Variants in EIF3H observed in about 807,000 individuals in gnomAD.
The protein encoded by EIF3H is eIF-3-gamma.
In EIF3H, 26 loss-of-function variants were observed where a neutral mutation model predicts 44.2. The ratio of observed to expected loss-of-function variants is 0.59; its 90% confidence interval spans 0.43 to 0.82. EIF3H has a LOEUF of 0.82. Ranked by LOEUF, EIF3H falls within the 40% of genes least tolerant of loss-of-function variation. The pLI, the probability that EIF3H is intolerant of heterozygous loss-of-function variation, is 0.00. For missense variants in EIF3H, 359 were observed against 432.8 expected, an observed-to-expected ratio of 0.83 and a Z score of 1.51; for synonymous variants, 166 against 151.9, an observed-to-expected ratio of 1.09 and a Z score of -0.68.
At position 116,674,067 on chromosome 8, in the gene EIF3H, CAAAAAAAAA is replaced by C. The variant is rs59899280; in HGVS notation, c.290-15096_290-15088del. On this transcript the variant is annotated intron_variant, in intron 2 of 7. Coordinates refer to ENST00000521861, the MANE Select transcript of EIF3H (RefSeq NM_003756.3). ...CCTGGGGAACACAGCAAGACTGTCTCAAAAAAAAAAAAAAAAAAAAAAAAAAAAGATGAA... is the reference window on the plus strand; with the variant it reads ...CCTGGGGAACACAGCAAGACTGTCTCAAAAAAAAAAAAAAAAAAAGATGAA... 3.2e-4 allele frequency among the ~76,000 whole-genome samples: 16 copies of C among 49,666 alleles called. 1 individual carries two copies. In the South Asian group the frequency reaches 8.0e-3, roughly 25 times the overall value. 32.6% of individuals were successfully genotyped at this position (49,666 alleles called of 152,430 possible).
intron 2 of EIF3H, among the ~76,000 whole-genome samples, chr8:116,704,333 CAT>C (rs1814432039): frequency 6.6e-6 from 1 of 152,228 alleles, no homozygotes. Context: ...ATGTTTGGCA[CAT>C]GACACGTGCT....
intron 4 of EIF3H, 59 bp downstream of exon 4, chr8:116,657,156 A>G: frequency 6.9e-7 from 1 of 1,440,132 alleles, no homozygotes; most frequent in South Asian, 1.1e-5. Context: ...GAGATGTGGC[A>G]AAGAAAAATC....
intron 2 of EIF3H, among the ~76,000 whole-genome samples, chr8:116,687,244 G>A (rs1814092959): frequency 6.6e-6 from 1 of 152,056 alleles, no homozygotes; most frequent in African/African-American, 2.4e-5. Context: ...CTTTAAAAGG[G>A]GCTCATGGAA....
intron 1 of EIF3H, among the ~76,000 whole-genome samples, chr8:116,753,190 A>G (rs1815387620): frequency 6.6e-6 from 1 of 152,230 alleles, no homozygotes. Flanking sequence ...ACAGAAAGGC[A>G]GATGTCCAAA....
chr8:116,761,627 T>C (rs937782557), intron 1 of EIF3H, among the ~76,000 whole-genome samples: 6 of 152,232 alleles, frequency 3.9e-5, no homozygotes, highest in African/African-American at 7.2e-5. Context: ...AATAAATTAT[T>C]ACAGAAAGCA....
intron 2 of EIF3H, among the ~76,000 whole-genome samples, chr8:116,702,483 C>T (rs1814394117): frequency 6.6e-6 from 1 of 152,080 alleles, no homozygotes; most frequent in African/African-American, 2.4e-5. Context: ...TTTAATTTTC[C>T]CAATTTAAAT....
At chr8:116,714,833 C>T (rs1218440018) in intron 2 of EIF3H, among the ~76,000 whole-genome samples, 1 of 151,850 alleles carries the variant, frequency 6.6e-6, no homozygotes, top group South Asian at 2.1e-4. Flanking sequence ...ACAAAATGTC[C>T]CCATCTGTCT....
rs900014037 is a variant in EIF3H, at chr8:116,644,019, G to A, written c.*987C>T. On this transcript the variant is annotated 3_prime_UTR_variant, in exon 8 of 8. Transcript: ENST00000521861. ...TAGCAGAATTATACTTCATGGTTTC[G>A]GAAGACAAATGTGAAGTCCTAAATA... is the stretch of plus-strand genomic sequence containing the variant. 2 of 152,110 alleles carry A rather than the reference G, an allele frequency of 1.3e-5. No individual in the cohort carries two copies. Among genetic ancestry groups the A allele is most frequent in the African/African-American group, 2.4e-5 (1 of 41,420 alleles). The allele number at this position is 152,110 out of a possible 1,614,324, so 9.4% of individuals were successfully genotyped here.
chr8:116,737,434 T>C (rs1034027756), intron 1 of EIF3H: 1 of 356,958 alleles, frequency 2.8e-6, no homozygotes, highest in Non-Finnish European at 5.3e-6. Context: ...GGCAGACCGA[T>C]TACCTGAGGT....
At position 116,707,128 on chromosome 8, in the gene EIF3H, G is replaced by A. The variant is rs116626249; in HGVS notation, c.289+18888C>T. On this transcript the variant is annotated intron_variant, in intron 2 of 7. Transcript: ENST00000521861. ...TCCCATCCTATAAATGGAATATTGCGTTGAAAAAGTATCTTATTTCTCTTT... is the reference window on the plus strand; with the variant it reads ...TCCCATCCTATAAATGGAATATTGCATTGAAAAAGTATCTTATTTCTCTTT... 2.1e-3 allele frequency among the ~76,000 whole-genome samples: 316 copies of A among 152,230 alleles called. 1 individual carries two copies. The highest frequency in any genetic ancestry group is 6.9e-3 in the African/African-American group (286 of 41,542).
At chr8:116,706,286 C>G (rs772675735) in intron 2 of EIF3H, among the ~76,000 whole-genome samples, 1 of 152,156 alleles carries the variant, frequency 6.6e-6, no homozygotes, top group African/African-American at 2.4e-5. Context: ...AGGATTTATT[C>G]AGACAGATTA....
chr8:116,764,870 T>C (rs1815553130), intron 1 of EIF3H, among the ~76,000 whole-genome samples: 1 of 152,198 alleles, frequency 6.6e-6, no homozygotes, highest in South Asian at 2.1e-4. Context: ...TCTTCATGTT[T>C]TCATAATAAA....
At chr8:116,753,395 T>C (rs1488916685) in intron 1 of EIF3H, among the ~76,000 whole-genome samples, 1 of 152,200 alleles carries the variant, frequency 6.6e-6, no homozygotes. Flanking sequence ...ACTGGTAAGC[T>C]TCTGATTTTT....
chr8:116,750,479 G>A (rs1279486014), intron 1 of EIF3H, among the ~76,000 whole-genome samples: 17 of 147,862 alleles, frequency 1.1e-4, no homozygotes, highest in African/African-American at 4.0e-4. Context: ...GTGCAATCTC[G>A]GCTCACTGCA....
rs548064233 is a variant in EIF3H, at chr8:116,664,028, C to T, written c.290-5048G>A. On this transcript the variant is annotated intron_variant, in intron 2 of 7. Transcript: ENST00000521861. ...CACTTGGATGCAGTTGAGCTCGTGC[C>T]GCAAAATTTGGAAGGATTATAAAAA... Among the ~76,000 whole-genome samples, 61 of 151,916 alleles carry T rather than the reference C, an allele frequency of 4.0e-4. 1 individual carries two copies. In the South Asian group the frequency reaches 0.012, roughly 30 times the overall value.
intron 1 of EIF3H, among the ~76,000 whole-genome samples, chr8:116,738,788 G>A (rs981264011): frequency 6.6e-6 from 1 of 152,182 alleles, no homozygotes; most frequent in Non-Finnish European, 1.5e-5. Context: ...ACGGAATGCC[G>A]AGGTTACAAC....
chr8:116,706,046 C>T (rs1280471996), intron 2 of EIF3H, among the ~76,000 whole-genome samples: 1 of 151,378 alleles, frequency 6.6e-6, no homozygotes, highest in Non-Finnish European at 1.5e-5. Flanking sequence ...ACACTACCAC[C>T]GATAAATCCA....
intron 2 of EIF3H, among the ~76,000 whole-genome samples, chr8:116,723,782 G>A (rs1271748301): frequency 6.6e-6 from 1 of 152,088 alleles, no homozygotes; most frequent in African/African-American, 2.4e-5. Flanking sequence ...TAACCAAAGA[G>A]GCAAAACACT....
At chr8:116,759,219 A>T (rs1462311720), upstream of EIF3H, among the ~76,000 whole-genome samples, 1 of 152,198 alleles carries the variant, frequency 6.6e-6, no homozygotes, top group Non-Finnish European at 1.5e-5. Context: ...TGTTTTTAGC[A>T]TACTTCTCCA....
Sources: allele counts gnomAD v4.1 joint callset (sites outside exome capture counted in the v4.1 genomes callset), GRCh38; gene constraint gnomAD v4.1.1; transcripts MANE v1.5; gene names NCBI Gene and HGNC (gene_info 2026-07-23, HGNC 2026-07-21).